Variants in ANKRD31 observed in about 807,000 individuals in gnomAD.
The protein encoded by ANKRD31 is ankyrin repeat domain-containing protein 31.
A neutral mutation model predicts 186.0 loss-of-function variants in ANKRD31; 147 were observed. The observed-to-expected ratio is 0.79, with a 90% CI of 0.69 to 0.91. The LOEUF (loss-of-function observed/expected upper bound fraction) is 0.91, where lower values mean the gene tolerates loss of function less well. Ranked by LOEUF, ANKRD31 falls within the 40% of genes least tolerant of loss-of-function variation. The pLI is 0.00. For synonymous variants in ANKRD31, 673 were observed against 736.4 expected, an observed-to-expected ratio of 0.91 and a Z score of 1.39; for missense variants, 1,986 against 2,148.8, an observed-to-expected ratio of 0.92 and a Z score of 1.50.
intron 23 of ANKRD31, among the ~76,000 whole-genome samples, chr5:75,086,759 G>C (rs544475128): frequency 3.3e-5 from 5 of 152,226 alleles, no homozygotes; most frequent in Non-Finnish European, 7.3e-5. Context: ...TAAGGCCACT[G>C]ATGCTTTCCC....
intron 11 of ANKRD31, among the ~76,000 whole-genome samples, chr5:75,165,610 G>A (rs1168705496): frequency 2.0e-5 from 3 of 152,064 alleles, no homozygotes; most frequent in Non-Finnish European, 2.9e-5. Context: ...ATAGCAATGA[G>A]CATACCTTGC....
chr5:75,224,129 T>TTATATATATATATATATATATATATATG (rs1757470079), intron 2 of ANKRD31, among the ~76,000 whole-genome samples: 1 of 105,752 alleles, frequency 9.5e-6, no homozygotes, highest in African/African-American at 4.0e-5. Context: ...TCAGAAATAA[T>TTATATATATATATATATATATATATATG]TATATATATA....
intron 22 of ANKRD31, among the ~76,000 whole-genome samples, chr5:75,101,947 C>T (rs1182334133): frequency 6.6e-6 from 1 of 152,214 alleles, no homozygotes; most frequent in East Asian, 1.9e-4. Flanking sequence ...AAGTCATTTT[C>T]CATCCAGCTT....
chr5:75,106,299 T>C (rs1023006129), intron 21 of ANKRD31, among the ~76,000 whole-genome samples: 11 of 152,068 alleles, frequency 7.2e-5, no homozygotes, highest in Non-Finnish European at 1.5e-4. Flanking sequence ...CATGGGTCCC[T>C]GGACCACAGT....
At chr5:75,181,088 A>ACT (rs1025561241) in intron 10 of ANKRD31, among the ~76,000 whole-genome samples, 1 of 152,134 alleles carries the variant, frequency 6.6e-6, no homozygotes, top group African/African-American at 2.4e-5. Flanking sequence ...ATGAATAGAC[A>ACT]CTTCTCAAAA....
intron 9 of ANKRD31, among the ~76,000 whole-genome samples, chr5:75,191,307 A>G (rs1489649730): frequency 6.6e-6 from 1 of 152,122 alleles, no homozygotes; most frequent in African/African-American, 2.4e-5. Context: ...ATCTCACTGT[A>G]GCTGGCTTCT....
At chr5:75,129,418 T>C (rs1749553071) in intron 17 of ANKRD31, among the ~76,000 whole-genome samples, 1 of 152,240 alleles carries the variant, frequency 6.6e-6, no homozygotes, top group Non-Finnish European at 1.5e-5. Context: ...CACTCTGGTA[T>C]ATTCTTAATC....
intron 22 of ANKRD31, among the ~76,000 whole-genome samples, chr5:75,096,919 T>C (rs2150041615): frequency 6.6e-6 from 1 of 152,126 alleles, no homozygotes; most frequent in East Asian, 1.9e-4. Flanking sequence ...CGTTCGGTTT[T>C]CTGTCCTTGC....
Position 75,112,614 on chromosome 5 carries a change from A to G in ANKRD31, c.4156-14T>C. On this transcript the variant is annotated splice_polypyrimidine_tract_variant and intron_variant, in intron 19 of 25. Transcript: ENST00000506364. ...GAGGGTCTGATGCTATCAGATAAAA[A>G]TATTTGAAACTTCATTATAAAGGGG... The G allele has an allele frequency of 6.8e-7, 1 of 1,473,440 alleles. No homozygotes were observed. The highest frequency in any genetic ancestry group is 9.1e-7 in the Non-Finnish European group (1 of 1,101,474). The allele number at this position is 1,473,440 out of a possible 1,614,324, so 91.3% of individuals were successfully genotyped here. A position where few individuals can be genotyped will look rare whatever the true frequency, so the allele number is the denominator to read the frequency against.
At chr5:75,100,108 T>G (rs1048764472) in intron 22 of ANKRD31, among the ~76,000 whole-genome samples, 19 of 152,192 alleles carry the variant, frequency 1.2e-4, no homozygotes, top group Admixed American at 2.0e-4. Flanking sequence ...GTCCCAGAGT[T>G]TCTGGTATGT....
chr5:75,176,309 A>G (rs898259412), intron 10 of ANKRD31, among the ~76,000 whole-genome samples: 17 of 152,222 alleles, frequency 1.1e-4, no homozygotes, highest in African/African-American at 3.6e-4. Flanking sequence ...CTCTGGGGAC[A>G]GGGCACAGAC....
At chr5:75,210,703 C>A in intron 4 of ANKRD31, 125 bp downstream of exon 4, 1 of 628,370 alleles carries the variant, frequency 1.6e-6, no homozygotes, top group Non-Finnish European at 2.5e-6. Flanking sequence ...ACTTTTGCTA[C>A]AAAATGGGCA....
At chr5:75,221,248 A>G (rs1238642107) in intron 3 of ANKRD31, among the ~76,000 whole-genome samples, 1 of 152,192 alleles carries the variant, frequency 6.6e-6, no homozygotes, top group Non-Finnish European at 1.5e-5. Flanking sequence ...CCCAGGTGAT[A>G]ATAATCTGTA....
chr5:75,179,131 T>C (rs1182114250), intron 10 of ANKRD31, among the ~76,000 whole-genome samples: 1 of 152,116 alleles, frequency 6.6e-6, no homozygotes, highest in Non-Finnish European at 1.5e-5. Context: ...CTAGAAAATC[T>C]AGAAGAAATG....
At chr5:75,168,281 T>C (rs1357594206) in intron 11 of ANKRD31, among the ~76,000 whole-genome samples, 1 of 152,102 alleles carries the variant, frequency 6.6e-6, no homozygotes, top group Non-Finnish European at 1.5e-5. Flanking sequence ...TAATACCCTT[T>C]CCCATCCTAG....
Position 75,068,320 on chromosome 5 carries a change from T to C in ANKRD31, c.*199A>G. ...AATATGGTCTAGTTCAAATGTGCCT[T>C]TATTTCAATGGCAAAAAAGCATTAA... On this transcript the variant is annotated 3_prime_UTR_variant, in exon 26 of 26. Transcript: ENST00000506364. 1 of 470,100 alleles carries C rather than the reference T, an allele frequency of 2.1e-6. No homozygotes were observed. The highest frequency in any genetic ancestry group is 3.4e-6 in the Non-Finnish European group (1 of 291,224). 29.1% of individuals were successfully genotyped at this position (470,100 alleles called of 1,614,324 possible).
intron 9 of ANKRD31, among the ~76,000 whole-genome samples, chr5:75,189,031 A>G (rs1017087784): frequency 6.6e-6 from 1 of 152,206 alleles, no homozygotes; most frequent in Non-Finnish European, 1.5e-5. Flanking sequence ...CAAATTTAAT[A>G]AAATGTTATA....
chr5:75,115,317 C>T (rs1485161121), intron 19 of ANKRD31, among the ~76,000 whole-genome samples: 1 of 151,884 alleles, frequency 6.6e-6, no homozygotes, highest in Admixed American at 6.6e-5. Flanking sequence ...AGAAGAAAAC[C>T]TAGGCATTAC....
chr5:75,125,049 G>A (rs1169532780), intron 17 of ANKRD31, among the ~76,000 whole-genome samples: 1 of 152,006 alleles, frequency 6.6e-6, no homozygotes, highest in African/African-American at 2.4e-5. Context: ...CTACATCCTT[G>A]GCCAAGTTAC....
Sources: gnomAD v4.1 joint callset for allele counts (sites outside exome capture counted in the v4.1 genomes callset) on GRCh38, gnomAD v4.1.1 for gene constraint, MANE v1.5 for transcripts, NCBI Gene and HGNC (gene_info 2026-07-23, HGNC 2026-07-21) for gene names.